TANC2: variants seen among roughly 807,000 people sequenced by gnomAD.
The protein encoded by TANC2 is protein TANC2.
TANC2 carries 26 observed loss-of-function variants against 210.5 expected under a neutral mutation model. The observed-to-expected ratio is 0.12, with a 90% CI of 0.09 to 0.17. TANC2 has a LOEUF of 0.17. Ranked by LOEUF, TANC2 falls within the 10% of genes least tolerant of loss-of-function variation. TANC2 has a pLI of 1.00. For synonymous variants in TANC2, 931 were observed against 967.1 expected (o/e 0.96, Z 0.69); for missense variants, 2,129 against 2,608.9 (o/e 0.82, Z 4.01).
At chr17:63,096,027 C>A (rs192855500) in intron 3 of TANC2, among the ~76,000 whole-genome samples, 2 of 151,930 alleles carry the variant, frequency 1.3e-5, no homozygotes, top group African/African-American at 4.8e-5. Context: ...ATATTGCTTT[C>A]GAAATACTAA....
At chr17:62,988,351 T>C (rs2032683395) in intron 1 of TANC2, among the ~76,000 whole-genome samples, 1 of 149,542 alleles carries the variant, frequency 6.7e-6, no homozygotes, top group Non-Finnish European at 1.5e-5. Flanking sequence ...TTCACTAGGC[T>C]GGTCTTGAAT....
intron 3 of TANC2, among the ~76,000 whole-genome samples, chr17:63,087,094 G>A (rs993607551): frequency 6.6e-6 from 1 of 152,218 alleles, no homozygotes; most frequent in African/African-American, 2.4e-5. Context: ...TTTAAGAGCT[G>A]TAACAATCAC....
intron 12 of TANC2, among the ~76,000 whole-genome samples, chr17:63,350,015 A>G (rs191038491): frequency 2.9e-4 from 44 of 152,344 alleles, no homozygotes; most frequent in Admixed American, 2.7e-3. Flanking sequence ...AAAATTCTTC[A>G]TAATTTGAGA....
chr17:63,222,779 T>C (rs1404011846), intron 7 of TANC2, among the ~76,000 whole-genome samples: 3 of 151,992 alleles, frequency 2.0e-5, no homozygotes, highest in Non-Finnish European at 4.4e-5. Flanking sequence ...GCTATTTTAC[T>C]CCTAGGCATA....
rs117851947 is a variant in TANC2 at position 63,311,874 on chromosome 17, A to T, written c.1160-2514A>T. ...TACTCTATGATTCTGTTTATATGAA[A>T]TGTCCAGAATAGGCAAACCTTTACA... On this transcript the variant is annotated intron_variant, in intron 9 of 27. Transcript: ENST00000689528. Among the ~76,000 whole-genome samples the T allele has an allele frequency of 7.4e-3, 1,132 of 152,334 alleles. 6 individuals carry two copies. Among genetic ancestry groups the T allele is most frequent in the Non-Finnish European group, 0.012 (840 of 68,028 alleles).
At chr17:63,347,422 C>A (rs2046447951) in intron 12 of TANC2, among the ~76,000 whole-genome samples, 1 of 152,158 alleles carries the variant, frequency 6.6e-6, no homozygotes, top group South Asian at 2.1e-4. Context: ...TACATGAGTA[C>A]ATATAGCTGT....
chr17:63,186,023 G>A (rs1279778763), intron 5 of TANC2, among the ~76,000 whole-genome samples: 6 of 152,070 alleles, frequency 3.9e-5, no homozygotes. Flanking sequence ...CTAAAAGGTC[G>A]TTTTCCAGAA....
chr17:63,223,519 A>G (rs2042249938), intron 7 of TANC2, among the ~76,000 whole-genome samples: 1 of 152,218 alleles, frequency 6.6e-6, no homozygotes, highest in South Asian at 2.1e-4. Context: ...GCAACAGCAG[A>G]CACAGCTGCA....
At chr17:63,374,539 A>G (rs2047369097) in intron 14 of TANC2, among the ~76,000 whole-genome samples, 1 of 152,116 alleles carries the variant, frequency 6.6e-6, no homozygotes, top group South Asian at 2.1e-4. Flanking sequence ...AACCTAAGGA[A>G]GGAACCCCTG....
At chr17:63,229,913 C>T (rs1166322999) in intron 7 of TANC2, among the ~76,000 whole-genome samples, 1 of 151,928 alleles carries the variant, frequency 6.6e-6, no homozygotes, top group Non-Finnish European at 1.5e-5. Context: ...CATGCCTCAG[C>T]CTCCTGAGTA....
At chr17:63,145,715 C>T (rs955569891) in intron 4 of TANC2, among the ~76,000 whole-genome samples, 2 of 152,042 alleles carry the variant, frequency 1.3e-5, no homozygotes, top group Non-Finnish European at 2.9e-5. Flanking sequence ...ATTGATGATA[C>T]GGTTTATTTC....
intron 2 of TANC2, among the ~76,000 whole-genome samples, chr17:63,067,067 A>G (rs1401881758): frequency 1.3e-5 from 2 of 152,212 alleles, no homozygotes; most frequent in African/African-American, 4.8e-5. Flanking sequence ...GGCAGTACAG[A>G]TATCAATAGC....
intron 8 of TANC2, among the ~76,000 whole-genome samples, chr17:63,259,326 C>G (rs561377801): frequency 9.9e-5 from 15 of 152,178 alleles, no homozygotes; most frequent in Admixed American, 5.9e-4. Flanking sequence ...CTTGGCCACC[C>G]CAGCTGGTGT....
intron 3 of TANC2, among the ~76,000 whole-genome samples, chr17:63,090,100 A>T (rs760810800): frequency 7.9e-5 from 12 of 152,056 alleles, no homozygotes; most frequent in Non-Finnish European, 1.0e-4. Context: ...CCCTCAACCT[A>T]ATCCCTAGCA....
intron 4 of TANC2, among the ~76,000 whole-genome samples, chr17:63,136,064 C>T (rs755737612): frequency 4.6e-5 from 7 of 152,156 alleles, no homozygotes; most frequent in Non-Finnish European, 1.0e-4. Flanking sequence ...ATGTCATTTA[C>T]AACAGTTGCA....
intron 9 of TANC2, among the ~76,000 whole-genome samples, chr17:63,273,690 C>T (rs2043788588): frequency 6.6e-6 from 1 of 152,200 alleles, no homozygotes; most frequent in South Asian, 2.1e-4. Flanking sequence ...CAAAGAGCTC[C>T]CAAATCCAAC....
In TANC2 at chr17:63,421,116, A is replaced by G. The variant is rs758120629; in HGVS notation, c.5386A>G (p.Ser1796Gly). Residue 1796 changes from serine (S) to glycine (G), a missense_variant, in exon 28 of 28, where the codon AGC becomes GGC. This residue lies in a region of TANC2 where 584 missense variants were observed against 627.3 expected (regional missense o/e 0.93). Coordinates refer to ENST00000689528, the Ensembl canonical transcript of TANC2. This position sits in a 1 kb window ranked among gnomAD's most constrained non-coding sequence, Gnocchi z 6.9. ...AGCATACCGAGGTGGCGTGAGATAC[A>G]GCCAGACACCACAGATCGGACGCAG... 1 of 1,614,006 alleles carries G rather than the reference A, an allele frequency of 6.2e-7. No individual in the cohort carries two copies. The highest frequency in any genetic ancestry group is 8.5e-7 in the Non-Finnish European group (1 of 1,179,878).
intron 14 of TANC2, among the ~76,000 whole-genome samples, chr17:63,366,042 G>C (rs1342690356): frequency 2.0e-5 from 3 of 152,032 alleles, no homozygotes; most frequent in Non-Finnish European, 4.4e-5. Flanking sequence ...CTGGAACACA[G>C]TAAGCGCACG....
intron 4 of TANC2, among the ~76,000 whole-genome samples, chr17:63,136,673 T>A (rs1312051466): frequency 6.6e-6 from 1 of 152,204 alleles, no homozygotes; most frequent in Non-Finnish European, 1.5e-5. Flanking sequence ...GGCTTCTTCC[T>A]ACTATGATGA....
Sources: allele counts gnomAD v4.1 joint callset (sites outside exome capture counted in the v4.1 genomes callset), GRCh38; gene constraint gnomAD v4.1.1; regional missense constraint gnomAD v4.1.1; non-coding constraint Gnocchi (gnomAD v3.1); transcripts MANE v1.5; gene names NCBI Gene and HGNC (gene_info 2026-07-23, HGNC 2026-07-21).